Variants in CA10 observed in about 807,000 individuals in gnomAD.
CA10 encodes carbonic anhydrase-related protein 10.
CA10 carries 14 observed loss-of-function variants against 44.2 expected under a neutral mutation model. That is an observed-to-expected ratio of 0.32 (90% CI 0.21 to 0.50). The LOEUF (loss-of-function observed/expected upper bound fraction) is 0.50, where lower values mean the gene tolerates loss of function less well. Among genes scored for constraint, CA10 ranks in the 20% least tolerant of loss-of-function variants. CA10 has a pLI of 0.99. For missense variants in CA10, 350 were observed against 409.7 expected, an observed-to-expected ratio of 0.85 and a Z score of 1.26; for synonymous variants, 159 against 141.6, an observed-to-expected ratio of 1.12 and a Z score of -0.87.
Position 51,941,171 on chromosome 17 carries a change from C to T in CA10, c.137-10039G>A, listed in dbSNP as rs575117591. ...GTGATTTGAACCCAGGTCTAAAATT[C>T]CCACTCTTATTCTGCTCTCATTCAT... On this transcript the variant is annotated intron_variant, in intron 2 of 8. Coordinates refer to ENST00000451037, the MANE Select transcript of CA10 (RefSeq NM_020178.5). Among the ~76,000 whole-genome samples, 32 of 152,168 alleles carry T rather than the reference C, an allele frequency of 2.1e-4. No individual in the cohort carries two copies. The South Asian group carries it at 6.5e-3, about 31-fold the overall frequency.
chr17:51,754,309 T>C, intron 3 of CA10, among the ~76,000 whole-genome samples: 1 of 112,020 alleles, frequency 8.9e-6, no homozygotes, highest in African/African-American at 2.8e-5. Flanking sequence ...TGTGTGTGTG[T>C]GTGTGTGTGT....
intron 2 of CA10, among the ~76,000 whole-genome samples, chr17:52,047,816 T>G (rs1986953505): frequency 6.6e-6 from 1 of 151,928 alleles, no homozygotes; most frequent in African/African-American, 2.4e-5. Flanking sequence ...ATTTCCCTGA[T>G]TAGAAAACTC....
intron 2 of CA10, among the ~76,000 whole-genome samples, chr17:52,046,767 C>T (rs1567714439): frequency 1.3e-5 from 2 of 151,760 alleles, no homozygotes; most frequent in African/African-American, 4.8e-5. Context: ...ACCTCTTTAA[C>T]ATAAGTTCAA....
chr17:51,927,716 A>G lies in CA10; in HGVS notation c.279+3274T>C, dbSNP rs141048075. 1.8e-3 allele frequency among the ~76,000 whole-genome samples: 267 copies of G among 152,308 alleles called. 2 individuals carry two copies. The highest frequency in any genetic ancestry group is 2.3e-3 in the Non-Finnish European group (157 of 68,014). On this transcript the variant is annotated intron_variant, in intron 3 of 8. Coordinates refer to ENST00000451037, the MANE Select transcript of CA10 (RefSeq NM_020178.5). ...ATTTTTGTGAAATTTTACAAGTTCAATGGCTAACAAGGGTCTCAATCTTTA... is the reference window on the plus strand; with the variant it reads ...ATTTTTGTGAAATTTTACAAGTTCAGTGGCTAACAAGGGTCTCAATCTTTA...
intron 3 of CA10, among the ~76,000 whole-genome samples, chr17:51,754,025 G>C (rs1904987181): frequency 6.6e-6 from 1 of 151,946 alleles, no homozygotes; most frequent in African/African-American, 2.4e-5. Context: ...TATATTTTTA[G>C]TAGAGACGGG....
rs188853006 is a variant in CA10 at position 51,994,923 on chromosome 17, C to T, written c.137-63791G>A. The stretch of plus-strand genomic sequence containing the variant: ...GCTTTAATAAGATGGGCCAGAAACC[C>T]TTTTCTAAAAACAGTGTTAAAGAAT... On this transcript the variant is annotated intron_variant, in intron 2 of 8. Coordinates refer to ENST00000451037, the MANE Select transcript of CA10 (RefSeq NM_020178.5). Among the ~76,000 whole-genome samples the T allele has an allele frequency of 6.9e-3, 1,055 of 152,038 alleles. 5 individuals carry two copies. The highest frequency in any genetic ancestry group is 0.012 in the Non-Finnish European group (811 of 67,924).
intron 3 of CA10, among the ~76,000 whole-genome samples, chr17:51,835,707 C>T (rs74795693): frequency 0.035 from 5,292 of 152,302 alleles, 130 homozygotes; most frequent in Admixed American, 0.057. Context: ...TTGTCTGCCT[C>T]CAGGCAGTGC....
intron 3 of CA10, among the ~76,000 whole-genome samples, chr17:51,901,224 A>T (rs992373422): frequency 9.3e-5 from 14 of 151,264 alleles, no homozygotes; most frequent in Non-Finnish European, 1.9e-4. Context: ...TGGGTGTTTG[A>T]TTGCGGTATA....
At chr17:52,064,519 A>AC (rs1198279548) in intron 2 of CA10, among the ~76,000 whole-genome samples, 1 of 152,036 alleles carries the variant, frequency 6.6e-6, no homozygotes, top group Non-Finnish European at 1.5e-5. Flanking sequence ...TCCTGGGAGT[A>AC]CTGTGAAGAA....
intron 4 of CA10, among the ~76,000 whole-genome samples, chr17:51,704,419 T>G (rs577338145): frequency 8.5e-5 from 13 of 152,236 alleles, no homozygotes; most frequent in Non-Finnish European, 1.0e-4. Flanking sequence ...AGTGGCCCTG[T>G]GGTCTTGGGC....
At chr17:52,127,771 G>A (rs1346165618) in intron 1 of CA10, among the ~76,000 whole-genome samples, 1 of 152,064 alleles carries the variant, frequency 6.6e-6, no homozygotes, top group Admixed American at 6.5e-5. Context: ...TCTTATTTCG[G>A]TTTTTAGCTG....
chr17:51,679,265 T>A (rs1285469342), intron 4 of CA10, among the ~76,000 whole-genome samples: 2 of 65,488 alleles, frequency 3.1e-5, no homozygotes, highest in Non-Finnish European at 2.9e-5. Flanking sequence ...TTTCTTTCTC[T>A]TTTTTTTTTT....
intron 1 of CA10, among the ~76,000 whole-genome samples, chr17:52,149,465 T>C (rs1157683595): frequency 6.6e-6 from 1 of 152,218 alleles, no homozygotes; most frequent in Non-Finnish European, 1.5e-5. Flanking sequence ...CCAATCTTGC[T>C]AATAAACAGC....
intron 8 of CA10, 120 bp downstream of exon 8, chr17:51,633,356 A>G (rs16950194): frequency 0.01 from 10,038 of 973,800 alleles, 181 homozygotes; most frequent in African/African-American, 0.05. Context: ...TGTGATGGCT[A>G]TTGTCATTTA....
At chr17:51,722,808 A>T (rs867947165) in intron 4 of CA10, among the ~76,000 whole-genome samples, 5 of 152,202 alleles carry the variant, frequency 3.3e-5, no homozygotes, top group South Asian at 2.1e-4. Flanking sequence ...CCTCCATTTT[A>T]TGAAGGGAAA....
intron 4 of CA10, among the ~76,000 whole-genome samples, chr17:51,730,904 T>TAA (rs34601669): frequency 1.2e-4 from 18 of 147,848 alleles, no homozygotes; most frequent in African/African-American, 4.5e-4. Context: ...AACACAGGGA[T>TAA]AAAAAAAAAA....
intron 3 of CA10, among the ~76,000 whole-genome samples, chr17:51,816,600 C>A (rs1042256549): frequency 3.9e-5 from 6 of 152,172 alleles, no homozygotes; most frequent in Non-Finnish European, 7.4e-5. Context: ...TTGGTATCCA[C>A]AACTAATTTT....
At chr17:51,963,898 T>C (rs563341874) in intron 2 of CA10, among the ~76,000 whole-genome samples, 78 of 152,158 alleles carry the variant, frequency 5.1e-4, no homozygotes, top group Non-Finnish European at 3.4e-4. Context: ...CACAATAGGA[T>C]AAAAATCTTG....
At chr17:51,884,890 A>G (rs1742421235) in intron 3 of CA10, among the ~76,000 whole-genome samples, 1 of 152,052 alleles carries the variant, frequency 6.6e-6, no homozygotes, top group South Asian at 2.1e-4. Context: ...CCTTTCCTCC[A>G]TCATCACCTG....
Sources: allele counts gnomAD v4.1 joint callset (sites outside exome capture counted in the v4.1 genomes callset), GRCh38; gene constraint gnomAD v4.1.1; transcripts MANE v1.5; gene names NCBI Gene and HGNC (gene_info 2026-07-23, HGNC 2026-07-21).